TLR4: variants seen among roughly 807,000 people sequenced by gnomAD.
TLR4 encodes the protein toll-like receptor 4.
A neutral mutation model predicts 27.4 loss-of-function variants in TLR4; 17 were observed. The observed-to-expected ratio is 0.62, with a 90% CI of 0.42 to 0.93. The LOEUF is 0.93. TLR4 is among the 40% of genes least tolerant of loss of function. The pLI is 0.00. For missense variants in TLR4, 926 were observed against 962.3 expected, an observed-to-expected ratio of 0.96 and a Z score of 0.50; for synonymous variants, 363 against 365.7, an observed-to-expected ratio of 0.99 and a Z score of 0.08.
rs1363260536 is a variant in TLR4, at chr9:117,719,720, G to T, written c.*5072G>T. The T allele has an allele frequency of 6.6e-6, 1 of 152,148 alleles. No homozygotes were observed. The highest frequency in any genetic ancestry group is 1.5e-5 in the Non-Finnish European group (1 of 68,038). The allele number at this position is 152,148 out of a possible 1,614,324, so 9.4% of individuals were successfully genotyped here. A position where few individuals can be genotyped will look rare whatever the true frequency, so the allele number is the denominator to read the frequency against. ...CATCACAGACTTGTGATTAAACACA[G>T]AGGTTATGGGGGAAGTTCCAAAAGC... On this transcript the variant is annotated 3_prime_UTR_variant, in exon 3 of 3. Transcript: ENST00000355622.
chr9:117,708,283 T>C, intron 1 of TLR4: 1 of 1,214,690 alleles, frequency 8.2e-7, no homozygotes, highest in Non-Finnish European at 1.0e-6. Flanking sequence ...CCCGATTCCA[T>C]TGCTTCTTGC....
rs1829373918 is a variant in TLR4, at chr9:117,717,622, C to G, written c.*2974C>G. The stretch of plus-strand genomic sequence containing the variant: ...TATCTACAGATGTATGCCTCAGTTT[C>G]TTAGTATGCTTGAAAATGTATGATT... On this transcript the variant is annotated 3_prime_UTR_variant, in exon 3 of 3. Coordinates refer to ENST00000355622, the MANE Select transcript of TLR4 (RefSeq NM_138554.5). 6.6e-6 allele frequency: 1 copy of G among 152,090 alleles called. No homozygotes were observed. Among genetic ancestry groups the G allele is most frequent in the Non-Finnish European group, 1.5e-5 (1 of 68,018 alleles). 9.4% of individuals were successfully genotyped at this position (152,090 alleles called of 1,614,324 possible).
At chr9:117,708,258 G>T in intron 1 of TLR4, 1 of 1,148,644 alleles carries the variant, frequency 8.7e-7, no homozygotes, top group East Asian at 5.5e-5. Flanking sequence ...AGACTCCGGA[G>T]CCTCAGCCCT....
rs1395574838 is a variant in TLR4 at position 117,712,737 on chromosome 9, A to G, written c.609A>G (p.Leu203=). 6.2e-7 allele frequency: 1 copy of G among 1,614,060 alleles called. No individual in the cohort carries two copies. The change falls in exon 3 of 3, where the codon CTA becomes CTG. Residue 203 remains leucine (L), a synonymous_variant. Coordinates refer to ENST00000355622, the MANE Select transcript of TLR4 (RefSeq NM_138554.5). The part of the protein sequence containing the change: ...TDLRVLHQMP[L]LNLSLDLSLN... ...TGCGGGTTCTACATCAAATGCCCCT[A>G]CTCAATCTCTCTTTAGACCTGTCCC... is the stretch of plus-strand genomic sequence containing the variant.
At chr9:117,710,562 G>A (rs1829215511) in intron 2 of TLR4, among the ~76,000 whole-genome samples, 1 of 150,942 alleles carries the variant, frequency 6.6e-6, no homozygotes, top group South Asian at 2.1e-4. Flanking sequence ...CCTTAAATCT[G>A]TGCTTACAGA....
Position 117,714,433 on chromosome 9 carries a change from A to G in TLR4, c.2305A>G (p.Ile769Val). 1.2e-6 allele frequency: 2 copies of G among 1,613,782 alleles called. No individual in the cohort carries two copies. The highest frequency in any genetic ancestry group is 1.1e-5 in the South Asian group (1 of 91,072). The change falls in exon 3 of 3, where the codon ATT becomes GTT. Residue 769 changes from isoleucine to valine, a missense_variant. Ile to Val is a conservative substitution (Grantham distance 29). Transcript: ENST00000355622. ...FLSSRAGIIFIVLQKVEKTLL... is the reference protein window; with the variant it reads ...FLSSRAGIIFVVLQKVEKTLL... ...GAGCAGTCGTGCTGGTATCATCTTC[A>G]TTGTCCTGCAGAAGGTGGAGAAGAC... is the stretch of plus-strand genomic sequence containing the variant.
rs1829390793 is a variant in TLR4 at position 117,718,934 on chromosome 9, T to G, written c.*4286T>G. 2 of 152,210 alleles carry G rather than the reference T, an allele frequency of 1.3e-5. No homozygotes were observed. Among genetic ancestry groups the G allele is most frequent in the Admixed American group, 6.5e-5 (1 of 15,274 alleles). The allele number at this position is 152,210 out of a possible 1,614,324, so 9.4% of individuals were successfully genotyped here. A position where few individuals can be genotyped will look rare whatever the true frequency, so the allele number is the denominator to read the frequency against. On this transcript the variant is annotated 3_prime_UTR_variant, in exon 3 of 3. Coordinates refer to ENST00000355622, the MANE Select transcript of TLR4 (RefSeq NM_138554.5). ...CTCACGGGATTGTCAGACCCCAGTC[T>G]TCTTCTGGACTCTATAAACTTTTTA...
At chr9:117,710,254 TG>T (rs1392429387) in intron 2 of TLR4, among the ~76,000 whole-genome samples, 5 of 152,166 alleles carry the variant, frequency 3.3e-5, no homozygotes, top group African/African-American at 1.2e-4. Flanking sequence ...GGTCTATTTT[TG>T]TCATCTTTAT....
rs200139449 is a variant in TLR4, at chr9:117,714,536, G to T, written c.2408G>T (p.Gly803Val). The T allele has an allele frequency of 1.3e-5, 21 of 1,613,760 alleles. No homozygotes were observed. Among genetic ancestry groups the T allele is most frequent in the Admixed American group, 1.7e-5 (1 of 59,986 alleles). The change falls in exon 3 of 3, where the codon GGG becomes GTG. Residue 803 changes from glycine to valine, a missense_variant. Physicochemically the swap from Gly to Val is moderately radical, Grantham distance 109. Coordinates refer to ENST00000355622, the MANE Select transcript of TLR4 (RefSeq NM_138554.5). ...TYLEWEDSVLGRHIFWRRLRK... is the reference protein window; with the variant it reads ...TYLEWEDSVLVRHIFWRRLRK... ...CTGGAGTGGGAGGACAGTGTCCTGG[G>T]GCGGCACATCTTCTGGAGACGACTC...
rs997416753 is a variant in TLR4 at position 117,716,404 on chromosome 9, A to G, written c.*1756A>G. On this transcript the variant is annotated 3_prime_UTR_variant, in exon 3 of 3. Transcript: ENST00000355622. ...GCCTAAAAAAAGGGGGAATCCTGTT[A>G]TTTATGACAACATGAATAAACCCGG... 1 of 152,176 alleles carries G rather than the reference A, an allele frequency of 6.6e-6. No individual in the cohort carries two copies. The highest frequency in any genetic ancestry group is 2.4e-5 in the African/African-American group (1 of 41,450). The allele number at this position is 152,176 out of a possible 1,614,324, so 9.4% of individuals were successfully genotyped here.
At chr9:117,710,923 T>C (rs1411235206) in intron 2 of TLR4, among the ~76,000 whole-genome samples, 3 of 152,120 alleles carry the variant, frequency 2.0e-5, no homozygotes, top group African/African-American at 7.2e-5. Flanking sequence ...TTATCACCAA[T>C]GTAATGATAT....
Position 117,713,086 on chromosome 9 carries a change from A to G in TLR4, c.958A>G (p.Ile320Val), listed in dbSNP as rs1206098907. 1 of 1,613,664 alleles carries G rather than the reference A, an allele frequency of 6.2e-7. No homozygotes were observed. The highest frequency in any genetic ancestry group is 1.1e-5 in the South Asian group (1 of 91,030). Reference protein sequence around the residue: ...VSSFSLVSVTIERVKDFSYNF... With the variant: ...VSSFSLVSVTVERVKDFSYNF... ...TTCATTTTCCCTGGTGAGTGTGACT[A>G]TTGAAAGGGTAAAAGACTTTTCTTA... is the stretch of plus-strand genomic sequence containing the variant. Residue 320 changes from isoleucine (I) to valine (V), a missense_variant, in exon 3 of 3, where the codon ATT becomes GTT. Ile to Val is a conservative substitution (Grantham distance 29). Transcript: ENST00000355622.
intron 2 of TLR4, 61 bp from the exon 3 acceptor site, chr9:117,712,328 T>G (rs898046957): frequency 6.0e-6 from 9 of 1,498,598 alleles, no homozygotes; most frequent in Non-Finnish European, 8.3e-6. Context: ...GGATTAATAT[T>G]CTATTTTAGG....
At chr9:117,710,038 G>A (rs990575489) in intron 2 of TLR4, among the ~76,000 whole-genome samples, 3 of 151,886 alleles carry the variant, frequency 2.0e-5, no homozygotes, top group African/African-American at 7.2e-5. Context: ...TATTTTATAA[G>A]CATAAAGTAT....
intron 2 of TLR4, 146 bp from the exon 3 acceptor site, chr9:117,712,243 A>G: frequency 2.5e-6 from 2 of 792,450 alleles, no homozygotes; most frequent in South Asian, 3.2e-5. Flanking sequence ...TTCCATCATC[A>G]TCTGTCCTGC....
rs201528425 is a variant in TLR4, at chr9:117,713,136, A to G, written c.1008A>G (p.Glu336=). Residue 336 remains glutamate (E), a synonymous_variant, in exon 3 of 3, where the codon GAA becomes GAG. Transcript: ENST00000355622. Reference sequence around the variant, plus strand: ...ATAATTTCGGATGGCAACATTTAGAATTAGTTAACTGTAAATTTGGACAGT... The same window carrying G: ...ATAATTTCGGATGGCAACATTTAGAGTTAGTTAACTGTAAATTTGGACAGT... ...FSYNFGWQHL[E]LVNCKFGQFP... 2 of 1,613,166 alleles carry G rather than the reference A, an allele frequency of 1.2e-6. No individual in the cohort carries two copies. The highest frequency in any genetic ancestry group is 1.7e-6 in the Non-Finnish European group (2 of 1,179,390).
rs1829176200 is a variant in TLR4 at position 117,708,569 on chromosome 9, C to T, written c.100C>T (p.Pro34Ser). The T allele has an allele frequency of 3.7e-6, 6 of 1,613,736 alleles. No homozygotes were observed. In the East Asian group the frequency reaches 1.3e-4, roughly 36 times the overall value. Residue 34 changes from proline (P) to serine (S), a missense_variant, in exon 2 of 3, where the codon CCT (proline) becomes TCT (serine). By Grantham distance (74) the Pro-to-Ser change is moderately conservative. Transcript: ENST00000355622. ...ESWEPCVEVV[P>S]NITYQCMELN... ...TCATGTGTAATCATTGCAGGTGGTTCCTAATATTACTTATCAATGCATGGA... is the reference window on the plus strand; with the variant it reads ...TCATGTGTAATCATTGCAGGTGGTTTCTAATATTACTTATCAATGCATGGA...
rs749495848 is a variant in TLR4, at chr9:117,713,210, A to C, written c.1082A>C (p.Asn361Thr). 5 of 1,614,046 alleles carry C rather than the reference A, an allele frequency of 3.1e-6. No homozygotes were observed. The highest frequency in any genetic ancestry group is 4.2e-6 in the Non-Finnish European group (5 of 1,179,980). ...KSLKRLTFTS[N>T]KGGNAFSEVD... ...CTCAAAAGGCTTACTTTCACTTCCAACAAAGGTGGGAATGCTTTTTCAGAA... is the reference window on the plus strand; with the variant it reads ...CTCAAAAGGCTTACTTTCACTTCCACCAAAGGTGGGAATGCTTTTTCAGAA... Residue 361 changes from asparagine (N) to threonine (T), a missense_variant, in exon 3 of 3, where the codon AAC (asparagine) becomes ACC (threonine). Transcript: ENST00000355622.
intron 2 of TLR4, chr9:117,709,026 T>A (rs1829185394): frequency 2.7e-6 from 1 of 367,002 alleles, no homozygotes; most frequent in South Asian, 2.5e-5. Flanking sequence ...AAGCAGCTAT[T>A]TATTGACTAC....
Sources: allele counts gnomAD v4.1 joint callset (sites outside exome capture counted in the v4.1 genomes callset), GRCh38; gene constraint gnomAD v4.1.1; transcripts MANE v1.5; gene names NCBI Gene and HGNC (gene_info 2026-07-23, HGNC 2026-07-21).